The following INSC variants were observed in gnomAD, a reference collection of about 807,000 sequenced individuals.
The protein encoded by INSC is protein inscuteable homolog.
In INSC, 67 loss-of-function variants were observed where a neutral mutation model predicts 58.6. The observed-to-expected ratio is 1.14, with a 90% CI of 0.94 to 1.40. The LOEUF is 1.40. INSC is among the 40% of genes most tolerant of loss of function. The pLI, the probability that INSC is intolerant of heterozygous loss-of-function variation, is 0.00. For missense variants in INSC, 714 were observed against 692.0 expected (o/e 1.03, Z -0.36); for synonymous variants, 262 against 276.1 (o/e 0.95, Z 0.51).
chr11:15,244,797 T>A (rs1590021072), intron 12 of INSC, among the ~76,000 whole-genome samples: 1 of 152,310 alleles, frequency 6.6e-6, no homozygotes, highest in East Asian at 1.9e-4. Flanking sequence ...CCACTCTTTT[T>A]GCTTCCAGGG....
Position 15,114,973 on chromosome 11 carries a change from G to A in INSC, c.-76G>A, listed in dbSNP as rs1016241672. Reference sequence around the variant, plus strand: ...CAGCTGCGCCCCGCCACCACTGGCCGCTCGCACTACCAGCCTGTCTCGCAC... The same window carrying A: ...CAGCTGCGCCCCGCCACCACTGGCCACTCGCACTACCAGCCTGTCTCGCAC... On this transcript the variant is annotated 5_prime_UTR_variant, in exon 1 of 13. Coordinates refer to ENST00000379556, the MANE Select transcript of INSC (RefSeq NM_001042536.3). 3.0e-6 allele frequency: 3 copies of A among 985,346 alleles called. No individual in the cohort carries two copies. The highest frequency in any genetic ancestry group is 1.7e-5 in the African/African-American group (1 of 57,240). The allele number at this position is 985,346 out of a possible 1,614,324, so 61.0% of individuals were successfully genotyped here.
chr11:15,196,412 G>C (rs1003306141), intron 6 of INSC, among the ~76,000 whole-genome samples: 4 of 152,196 alleles, frequency 2.6e-5, no homozygotes, highest in Non-Finnish European at 4.4e-5. Context: ...CTCTGGAGTA[G>C]GTGCTATTTC....
At position 15,239,020 on chromosome 11, in the gene INSC, C is replaced by T. The variant is rs1852238599; in HGVS notation, c.1339C>T (p.Leu447=). The T allele has an allele frequency of 4.3e-6, 7 of 1,614,050 alleles. No individual in the cohort carries two copies. The highest frequency in any genetic ancestry group is 1.6e-4 in the Middle Eastern group (1 of 6,082). Residue 447 remains leucine (L), a synonymous_variant, in exon 11 of 13, where the codon CTG becomes TTG. Coordinates refer to ENST00000379556, the MANE Select transcript of INSC (RefSeq NM_001042536.3). ...AGTCCAGCAGAAAGCTGCAGTGACC[C>T]TGGCTCGTCTCAGCCGAGACCCAGA... is the stretch of plus-strand genomic sequence containing the variant. ...ERVQQKAAVT[L]ARLSRDPDVA... is the part of the protein sequence containing the mutation.
chr11:15,116,825 C>CTT (rs1554900071), intron 1 of INSC, among the ~76,000 whole-genome samples: 1 of 34,592 alleles, frequency 2.9e-5, no homozygotes, highest in Non-Finnish European at 5.4e-5. Context: ...TTCTTTCTTT[C>CTT]TTTCTTTCTT....
intron 7 of INSC, among the ~76,000 whole-genome samples, chr11:15,213,286 C>T (rs1361243407): frequency 6.6e-6 from 1 of 152,134 alleles, no homozygotes. Context: ...AAATAAAACC[C>T]TAATGATACC....
chr11:15,146,667 T>C (rs546525424), intron 1 of INSC, among the ~76,000 whole-genome samples: 10 of 152,388 alleles, frequency 6.6e-5, no homozygotes, highest in Non-Finnish European at 8.8e-5. Context: ...GTCGATTGTT[T>C]TGCCTTGTTC....
chr11:15,190,824 A>G lies in INSC; in HGVS notation c.693+10A>G. On this transcript the variant is annotated intron_variant, in intron 6 of 12. Coordinates refer to ENST00000379556, the MANE Select transcript of INSC (RefSeq NM_001042536.3). ...CCGCATCATAGCCAAGGTGAGCTTC[A>G]TGGTTAGGGACCAAAATGGCAGGCC... 6.3e-7 allele frequency: 1 copy of G among 1,588,470 alleles called. No individual in the cohort carries two copies.
intron 1 of INSC, among the ~76,000 whole-genome samples, chr11:15,129,998 T>TA (rs1848088719): frequency 6.6e-6 from 1 of 152,158 alleles, no homozygotes; most frequent in South Asian, 2.1e-4. Context: ...TGTGTGCTGT[T>TA]ATGCACAGGC....
At chr11:15,239,374 C>T (rs1852255413) in intron 11 of INSC, among the ~76,000 whole-genome samples, 1 of 152,182 alleles carries the variant, frequency 6.6e-6, no homozygotes, top group Non-Finnish European at 1.5e-5. Context: ...TTCACTTGCT[C>T]AGTTATTCAT....
intron 5 of INSC, among the ~76,000 whole-genome samples, chr11:15,183,585 G>T (rs559745679): frequency 6.6e-6 from 1 of 152,142 alleles, no homozygotes; most frequent in Non-Finnish European, 1.5e-5. Flanking sequence ...GAGAGCACTG[G>T]TAGGATACAT....
intron 10 of INSC, among the ~76,000 whole-genome samples, chr11:15,238,412 A>AGAAGTGAAGAGGT (rs1206951133): frequency 6.6e-6 from 1 of 152,194 alleles, no homozygotes; most frequent in Non-Finnish European, 1.5e-5. Flanking sequence ...AGCCAGTATC[A>AGAAGTGAAGAGGT]GAAGTGAAGA....
intron 1 of INSC, among the ~76,000 whole-genome samples, chr11:15,125,176 G>A (rs1847963799): frequency 6.6e-6 from 1 of 152,206 alleles, no homozygotes; most frequent in African/African-American, 2.4e-5. Context: ...AGGAAGCTAT[G>A]TGAATACTTG....
chr11:15,244,503 C>G (rs567079440), intron 12 of INSC, among the ~76,000 whole-genome samples: 2 of 152,266 alleles, frequency 1.3e-5, no homozygotes, highest in South Asian at 2.1e-4. Flanking sequence ...CCTGCCATGT[C>G]CAGGTAATGA....
At chr11:15,170,197 A>G (rs1849348782) in intron 2 of INSC, among the ~76,000 whole-genome samples, 1 of 152,078 alleles carries the variant, frequency 6.6e-6, no homozygotes. Flanking sequence ...AATAATTTCA[A>G]TCTGCAGTTG....
chr11:15,119,467 T>C (rs1308388689), intron 1 of INSC, among the ~76,000 whole-genome samples: 1 of 152,150 alleles, frequency 6.6e-6, no homozygotes. Context: ...GGGGGAGTCT[T>C]GGATGCTTTG....
chr11:15,138,397 A>G (rs1848295717), intron 1 of INSC, among the ~76,000 whole-genome samples: 1 of 152,238 alleles, frequency 6.6e-6, no homozygotes, highest in South Asian at 2.1e-4. Context: ...ATAAAAAAGC[A>G]GTATCTGCAA....
chr11:15,180,577 C>T (rs1184926237), intron 5 of INSC, among the ~76,000 whole-genome samples: 1 of 151,282 alleles, frequency 6.6e-6, no homozygotes, highest in Non-Finnish European at 1.5e-5. Flanking sequence ...GCTCTATTGC[C>T]AGGTCTGACC....
At position 15,124,431 on chromosome 11, in the gene INSC, A is replaced by G. The variant is rs578006591; in HGVS notation, c.-46+9428A>G. On this transcript the variant is annotated intron_variant, in intron 1 of 12. Coordinates refer to ENST00000379556, the MANE Select transcript of INSC (RefSeq NM_001042536.3). The stretch of plus-strand genomic sequence containing the variant: ...TAGAGATTAGGCTCCTTATTCAGGT[A>G]GATATAAGATAGACTGGGCTTTGCA... Among the ~76,000 whole-genome samples, 35 of 152,290 alleles carry G rather than the reference A, an allele frequency of 2.3e-4. No homozygotes were observed. In the South Asian group the frequency reaches 6.4e-3, roughly 28 times the overall value.
At chr11:15,127,255 T>C (rs1848018344) in intron 1 of INSC, among the ~76,000 whole-genome samples, 1 of 152,218 alleles carries the variant, frequency 6.6e-6, no homozygotes, top group South Asian at 2.1e-4. Flanking sequence ...CTCACATATT[T>C]GTTTTCTTGC....
Sources: gnomAD v4.1 joint callset for allele counts (sites outside exome capture counted in the v4.1 genomes callset) on GRCh38, gnomAD v4.1.1 for gene constraint, MANE v1.5 for transcripts, NCBI Gene and HGNC (gene_info 2026-07-23, HGNC 2026-07-21) for gene names.